Variants in MARCHF8 observed in about 807,000 individuals in gnomAD.
MARCHF8 encodes the protein membrane associated ring-CH-type finger 8.
In MARCHF8, 40 loss-of-function variants were observed where a neutral mutation model predicts 51.6. The ratio of observed to expected loss-of-function variants is 0.77; its 90% CI spans 0.60 to 1.01. The LOEUF is 1.01. Among genes scored for constraint, MARCHF8 ranks in the 50% least tolerant of loss-of-function variants. The probability of loss-of-function intolerance (pLI) is 0.00; values close to 1 mark genes in which losing one functional copy is unlikely to be tolerated. For synonymous variants in MARCHF8, 263 were observed against 280.3 expected (o/e 0.94, Z 0.62); for missense variants, 685 against 708.6 (o/e 0.97, Z 0.38).
chr10:45,556,173 AAAT>A (rs1380575622), intron 1 of MARCHF8, among the ~76,000 whole-genome samples: 1 of 152,350 alleles, frequency 6.6e-6, no homozygotes, highest in East Asian at 1.9e-4. Context: ...ATAAGACAGA[AAAT>A]AAGGAAAACC....
intron 2 of MARCHF8, among the ~76,000 whole-genome samples, chr10:45,489,738 A>G (rs1378261336): frequency 6.6e-6 from 1 of 152,210 alleles, no homozygotes; most frequent in Non-Finnish European, 1.5e-5. Context: ...ATTTCACGTG[A>G]AAGTTCAGAT....
chr10:45,501,988 C>G (rs2043288756), intron 2 of MARCHF8, among the ~76,000 whole-genome samples: 1 of 151,990 alleles, frequency 6.6e-6, no homozygotes. Flanking sequence ...ATAATGACAT[C>G]ACCAAATGTT....
At chr10:45,558,179 A>T (rs1389141562) in intron 1 of MARCHF8, among the ~76,000 whole-genome samples, 1 of 152,186 alleles carries the variant, frequency 6.6e-6, no homozygotes, top group East Asian at 1.9e-4. Context: ...ACTCCAGGAA[A>T]GATAGAGATT....
At chr10:45,526,175 A>G (rs923405541) in intron 2 of MARCHF8, among the ~76,000 whole-genome samples, 6 of 152,184 alleles carry the variant, frequency 3.9e-5, no homozygotes, top group Admixed American at 6.5e-5. Flanking sequence ...AAGCTCCAAA[A>G]CGGCGAGTAG....
intron 2 of MARCHF8, among the ~76,000 whole-genome samples, chr10:45,500,124 T>C (rs2043252281): frequency 6.6e-6 from 1 of 152,210 alleles, no homozygotes; most frequent in Admixed American, 6.5e-5. Context: ...TATATAGTAG[T>C]TTTCTGTGTA....
chr10:45,505,659 G>A (rs916783020), intron 2 of MARCHF8, among the ~76,000 whole-genome samples: 1 of 152,216 alleles, frequency 6.6e-6, no homozygotes, highest in Non-Finnish European at 1.5e-5. Flanking sequence ...AAACCACATG[G>A]CTGTGAAATT....
chr10:45,561,665 C>G (rs1472475582), intron 1 of MARCHF8, among the ~76,000 whole-genome samples: 1 of 150,964 alleles, frequency 6.6e-6, no homozygotes, highest in Non-Finnish European at 1.5e-5. Context: ...CTTTGGGAGG[C>G]TGAGGCGGGC....
At chr10:45,488,938 G>A (rs898882235) in intron 3 of MARCHF8, among the ~76,000 whole-genome samples, 35 of 152,118 alleles carry the variant, frequency 2.3e-4, no homozygotes, top group Admixed American at 1.9e-3. Flanking sequence ...CCACAGAATC[G>A]GGTGCACTAC....
intron 2 of MARCHF8, among the ~76,000 whole-genome samples, chr10:45,498,813 T>C (rs140716793): frequency 1.8e-3 from 275 of 152,384 alleles, no homozygotes; most frequent in Admixed American, 3.3e-3. Flanking sequence ...TGAAACTATA[T>C]GCAATAAATG....
chr10:45,532,486 T>G (rs2043903628), intron 2 of MARCHF8, among the ~76,000 whole-genome samples: 1 of 152,236 alleles, frequency 6.6e-6, no homozygotes, highest in Admixed American at 6.5e-5. Flanking sequence ...AATTAGGTCC[T>G]AGGGGTGGAA....
intron 2 of MARCHF8, among the ~76,000 whole-genome samples, chr10:45,503,096 T>C (rs753192013): frequency 6.6e-6 from 1 of 152,218 alleles, no homozygotes; most frequent in Non-Finnish European, 1.5e-5. Context: ...TGATTCTAAA[T>C]AGACTCTGAG....
intron 2 of MARCHF8, among the ~76,000 whole-genome samples, chr10:45,494,639 G>A (rs1450042591): frequency 6.6e-6 from 1 of 152,150 alleles, no homozygotes; most frequent in East Asian, 1.9e-4. Context: ...ATTAACTAAA[G>A]ATTTCCTGGG....
chr10:45,529,770 G>A (rs1424949947), intron 2 of MARCHF8, among the ~76,000 whole-genome samples: 1 of 152,138 alleles, frequency 6.6e-6, no homozygotes. Flanking sequence ...CTATTACTCA[G>A]GTGTCAAAAA....
At position 45,489,269 on chromosome 10, in the gene MARCHF8, C is replaced by T. The variant is rs563065932; in HGVS notation, c.153+98G>A. The T allele has an allele frequency of 1.1e-4, 100 of 904,900 alleles. No homozygotes were observed. In the African/African-American group the frequency reaches 1.2e-3, roughly 11 times the overall value. The allele number at this position is 904,900 out of a possible 1,614,324, so 56.1% of individuals were successfully genotyped here. A position where few individuals can be genotyped will look rare whatever the true frequency, so the allele number is the denominator to read the frequency against. Reference sequence around the variant, plus strand: ...TACAGAAATGTATCAAGAACTCTAACGTCTTTTCAAAAAAAAAAAAAAGAG... The same window carrying T: ...TACAGAAATGTATCAAGAACTCTAATGTCTTTTCAAAAAAAAAAAAAAGAG... On this transcript the variant is annotated intron_variant, in intron 3 of 7. Transcript: ENST00000453424.
At position 45,533,087 on chromosome 10, in the gene MARCHF8, TAA is replaced by T. The variant is rs562055549; in HGVS notation, c.102+21_102+22del. On this transcript the variant is annotated intron_variant, in intron 2 of 7. Coordinates refer to ENST00000453424, the MANE Select transcript of MARCHF8 (RefSeq NM_001282866.2). ...AAAAATTTAATAAAAATAATGAAACTAAAAAAGATACTCTCCCAGTACCTGTT... is the reference window on the plus strand; with the variant it reads ...AAAAATTTAATAAAAATAATGAAACTAAAAGATACTCTCCCAGTACCTGTT... 371 of 1,566,486 alleles carry T rather than the reference TAA, an allele frequency of 2.4e-4. 1 individual carries two copies. The African/African-American group carries it at 4.3e-3, about 18-fold the overall frequency.
chr10:45,489,293 A>AGTATAAAC, intron 3 of MARCHF8, 74 bp downstream of exon 3: 1 of 1,073,200 alleles, frequency 9.3e-7, no homozygotes, highest in Non-Finnish European at 1.4e-6. Flanking sequence ...AAAAAAAAAG[A>AGTATAAAC]GTATAAACAC....
chr10:45,517,614 G>A (rs182950999), intron 2 of MARCHF8, among the ~76,000 whole-genome samples: 1 of 152,328 alleles, frequency 6.6e-6, no homozygotes, highest in African/African-American at 2.4e-5. Flanking sequence ...AGATGCCGGT[G>A]TCAGGCTTCC....
At chr10:45,497,918 T>C (rs1051007395) in intron 2 of MARCHF8, among the ~76,000 whole-genome samples, 1 of 152,198 alleles carries the variant, frequency 6.6e-6, no homozygotes, top group African/African-American at 2.4e-5. Flanking sequence ...TTTGGACTTC[T>C]TGTCTCCAAA....
intron 1 of MARCHF8, among the ~76,000 whole-genome samples, chr10:45,579,812 G>A (rs765277455): frequency 5.9e-5 from 9 of 151,980 alleles, no homozygotes; most frequent in Non-Finnish European, 1.0e-4. Context: ...TCAGGAGTTC[G>A]AGACCAGCCT....
Sources: allele counts gnomAD v4.1 joint callset (sites outside exome capture counted in the v4.1 genomes callset), GRCh38; gene constraint gnomAD v4.1.1; transcripts MANE v1.5; gene names NCBI Gene and HGNC (gene_info 2026-07-23, HGNC 2026-07-21).